STAMBPL1: variants seen among roughly 807,000 people sequenced by gnomAD.
STAMBPL1 encodes the protein AMSH-like protease.
In STAMBPL1, 44 loss-of-function variants were observed where a neutral mutation model predicts 52.9. The ratio of observed to expected loss-of-function variants is 0.83; its 90% CI spans 0.65 to 1.07. The LOEUF is 1.07. STAMBPL1 is among the 50% of genes least tolerant of loss of function. STAMBPL1 has a pLI of 0.00. For missense variants in STAMBPL1, 511 were observed against 520.8 expected (o/e 0.98, Z 0.18); for synonymous variants, 164 against 177.3 (o/e 0.92, Z 0.60).
At chr10:88,881,514 G>C (rs1844405498) in intron 1 of STAMBPL1, among the ~76,000 whole-genome samples, 1 of 152,070 alleles carries the variant, frequency 6.6e-6, no homozygotes. Flanking sequence ...CAAACATCTT[G>C]CTCATTACTG....
chr10:88,887,925 A>C (rs941036653), intron 1 of STAMBPL1, among the ~76,000 whole-genome samples: 11 of 152,162 alleles, frequency 7.2e-5, no homozygotes, highest in African/African-American at 2.7e-4. Context: ...CTTATATTCA[A>C]ATTCTTTCTT....
intron 9 of STAMBPL1, among the ~76,000 whole-genome samples, chr10:88,921,768 T>A (rs1332785610): frequency 6.6e-6 from 1 of 152,144 alleles, no homozygotes; most frequent in Non-Finnish European, 1.5e-5. Flanking sequence ...TGTAGAGTAG[T>A]TATGAGCATG....
At chr10:88,886,729 A>T (rs1844544008) in intron 1 of STAMBPL1, among the ~76,000 whole-genome samples, 1 of 152,198 alleles carries the variant, frequency 6.6e-6, no homozygotes, top group South Asian at 2.1e-4. Context: ...GCTCCCTGTG[A>T]ACACTGCCTG....
At chr10:88,915,986 A>G (rs1398993808) in intron 7 of STAMBPL1, among the ~76,000 whole-genome samples, 1 of 152,130 alleles carries the variant, frequency 6.6e-6, no homozygotes, top group Non-Finnish European at 1.5e-5. Context: ...CTGGGGGAAG[A>G]TAGCCTCTCA....
At chr10:88,903,432 A>C (rs1262064628) in intron 2 of STAMBPL1, among the ~76,000 whole-genome samples, 1 of 152,270 alleles carries the variant, frequency 6.6e-6, no homozygotes, top group Non-Finnish European at 1.5e-5. Flanking sequence ...GATAAATGGA[A>C]AATGATCCCT....
intron 1 of STAMBPL1, among the ~76,000 whole-genome samples, chr10:88,898,254 A>G (rs573487446): frequency 1.2e-3 from 177 of 152,360 alleles, no homozygotes; most frequent in African/African-American, 4.1e-3. Context: ...TAAGCATTCC[A>G]TTAACTCTTG....
intron 1 of STAMBPL1, chr10:88,882,570 A>T (rs975811622): frequency 6.6e-6 from 1 of 152,224 alleles, no homozygotes; most frequent in Non-Finnish European, 1.5e-5. Context: ...AGTAGAAGGA[A>T]TGTGAGAGAA....
intron 3 of STAMBPL1, among the ~76,000 whole-genome samples, chr10:88,905,914 T>C (rs1845061959): frequency 6.6e-6 from 1 of 152,206 alleles, no homozygotes; most frequent in South Asian, 2.1e-4. Flanking sequence ...GCCAGCATAG[T>C]AATCTATTTA....
At chr10:88,901,868 TG>T (rs1425321650) in intron 2 of STAMBPL1, 130 bp downstream of exon 2, 9 of 821,316 alleles carry the variant, frequency 1.1e-5, no homozygotes, top group Non-Finnish European at 1.7e-5. Context: ...TCCATCTGTG[TG>T]GTTGTCTTCT....
intron 2 of STAMBPL1, 64 bp from the exon 3 acceptor site, chr10:88,905,379 A>G (rs1263259505): frequency 7.9e-7 from 1 of 1,258,198 alleles, no homozygotes; most frequent in African/African-American, 1.5e-5. Flanking sequence ...TGTCCATAAT[A>G]TTAGTCATAT....
intron 1 of STAMBPL1, among the ~76,000 whole-genome samples, chr10:88,894,099 T>C (rs922268331): frequency 6.6e-6 from 1 of 152,218 alleles, no homozygotes; most frequent in Admixed American, 6.5e-5. Flanking sequence ...CATTGTGCTA[T>C]ATGTTTTACA....
intron 7 of STAMBPL1, among the ~76,000 whole-genome samples, chr10:88,915,142 A>G (rs1270867321): frequency 1.3e-5 from 2 of 152,218 alleles, no homozygotes; most frequent in African/African-American, 4.8e-5. Flanking sequence ...CTATAAGCAC[A>G]GGACATACTT....
chr10:88,881,668 G>A (rs951492287), intron 1 of STAMBPL1, among the ~76,000 whole-genome samples: 2 of 152,152 alleles, frequency 1.3e-5, no homozygotes, highest in Admixed American at 6.5e-5. Flanking sequence ...ATACCTGAAT[G>A]TTTGATTGTT....
chr10:88,881,011 C>T (rs1844390532), intron 1 of STAMBPL1, among the ~76,000 whole-genome samples: 1 of 151,886 alleles, frequency 6.6e-6, no homozygotes, highest in South Asian at 2.1e-4. Context: ...GAGATGATGT[C>T]GACCTTGGGA....
intron 1 of STAMBPL1, among the ~76,000 whole-genome samples, chr10:88,898,813 T>C (rs1325695334): frequency 1.3e-5 from 2 of 152,204 alleles, no homozygotes; most frequent in Non-Finnish European, 2.9e-5. Context: ...CATATCCCAC[T>C]GCCTCCTACA....
chr10:88,891,661 G>C (rs1589353267), intron 1 of STAMBPL1, among the ~76,000 whole-genome samples: 1 of 151,964 alleles, frequency 6.6e-6, no homozygotes, highest in African/African-American at 2.4e-5. Flanking sequence ...CACTTATAAG[G>C]TATTTTTTTG....
At chr10:88,922,581 C>A (rs1845542578) in intron 10 of STAMBPL1, 145 bp downstream of exon 10, 2 of 652,000 alleles carry the variant, frequency 3.1e-6, no homozygotes, top group South Asian at 4.7e-5. Flanking sequence ...ATTAATCTAT[C>A]TGTATACTTA....
intron 6 of STAMBPL1, among the ~76,000 whole-genome samples, chr10:88,914,116 G>T (rs1845306863): frequency 1.3e-5 from 2 of 152,160 alleles, no homozygotes; most frequent in African/African-American, 4.8e-5. Context: ...TTACCAAAAC[G>T]TTGTGCTTTT....
intron 1 of STAMBPL1, among the ~76,000 whole-genome samples, chr10:88,884,147 G>A (rs569732757): frequency 1.3e-5 from 2 of 152,020 alleles, no homozygotes; most frequent in African/African-American, 4.8e-5. Flanking sequence ...TAAAAAATTG[G>A]GCTATGTCCA....
Sources: gnomAD v4.1 joint callset for allele counts (sites outside exome capture counted in the v4.1 genomes callset) on GRCh38, gnomAD v4.1.1 for gene constraint, MANE v1.5 for transcripts, NCBI Gene and HGNC (gene_info 2026-07-23, HGNC 2026-07-21) for gene names.